Variants in ANKRD10 observed in about 807,000 individuals in gnomAD.
ANKRD10 encodes the protein ankyrin repeat domain 10, also known as ankyrin repeat domain-containing protein 10.
ANKRD10 carries 14 observed loss-of-function variants against 27.0 expected under a neutral mutation model. That is an observed-to-expected ratio of 0.52 (90% CI 0.34 to 0.81). The LOEUF (loss-of-function observed/expected upper bound fraction) is 0.81, where lower values mean the gene tolerates loss of function less well. Among genes scored for constraint, ANKRD10 ranks in the 40% least tolerant of loss-of-function variants. ANKRD10 has a pLI of 0.01. For missense variants in ANKRD10, 493 were observed against 544.0 expected, an observed-to-expected ratio of 0.91 and a Z score of 0.93; for synonymous variants, 250 against 224.5, an observed-to-expected ratio of 1.11 and a Z score of -1.01.
intron 4 of ANKRD10, among the ~76,000 whole-genome samples, chr13:110,888,524 A>G (rs2064993986): frequency 1.3e-5 from 2 of 152,162 alleles, no homozygotes; most frequent in South Asian, 4.1e-4. Flanking sequence ...AAGTGCTATA[A>G]TATGTAACTA....
intron 3 of ANKRD10, chr13:110,894,417 A>AAAAAAAAAC (rs2065171586): frequency 3.1e-6 from 1 of 318,230 alleles, no homozygotes; most frequent in Non-Finnish European, 5.7e-6. Flanking sequence ...AAAAAAAAAA[A>AAAAAAAAAC]AAAAAAAAAA....
At chr13:110,901,632 CT>C (rs1308250002) in intron 3 of ANKRD10, among the ~76,000 whole-genome samples, 1 of 152,242 alleles carries the variant, frequency 6.6e-6, no homozygotes, top group Non-Finnish European at 1.5e-5. Context: ...AACCCACTTA[CT>C]GTCCCTTTCT....
intron 1 of ANKRD10, among the ~76,000 whole-genome samples, chr13:110,912,798 C>T (rs1013111352): frequency 5.9e-5 from 9 of 152,210 alleles, no homozygotes; most frequent in African/African-American, 2.2e-4. Flanking sequence ...CTGGACTTCG[C>T]AAGCGGTAGC....
chr13:110,892,343 T>C lies in ANKRD10; in HGVS notation c.691+685A>G, dbSNP rs577476239. Among the ~76,000 whole-genome samples, 31 of 140,718 alleles carry C rather than the reference T, an allele frequency of 2.2e-4. 1 individual carries two copies. The highest frequency in any genetic ancestry group is 7.9e-4 in the African/African-American group (29 of 36,902). The allele number at this position is 140,718 out of a possible 152,430, so 92.3% of individuals were successfully genotyped here. A position where few individuals can be genotyped will look rare whatever the true frequency, so the allele number is the denominator to read the frequency against. ...TACTTGGGAGGCTGAGACAGGAGAA[T>C]TGCTTTAACTTGGGAGCCGGAGGTT... On this transcript the variant is annotated intron_variant, in intron 4 of 5. Transcript: ENST00000267339.
At chr13:110,895,540 T>G (rs1483816632) in intron 3 of ANKRD10, among the ~76,000 whole-genome samples, 4 of 151,660 alleles carry the variant, frequency 2.6e-5, no homozygotes, top group African/African-American at 9.7e-5. Flanking sequence ...TGAGCCGAGA[T>G]CACACCACTG....
intron 4 of ANKRD10, 145 bp downstream of exon 4, chr13:110,892,883 A>C: frequency 1.4e-6 from 2 of 1,441,282 alleles, no homozygotes; most frequent in Non-Finnish European, 1.8e-6. Flanking sequence ...TACAGGAGAA[A>C]TCTCCACCGT....
At chr13:110,912,270 C>T (rs2065737523) in intron 1 of ANKRD10, among the ~76,000 whole-genome samples, 1 of 152,236 alleles carries the variant, frequency 6.6e-6, no homozygotes, top group Non-Finnish European at 1.5e-5. Context: ...ACACCTGACA[C>T]TACCATCTCA....
At chr13:110,880,174 A>G in intron 5 of ANKRD10, 62 bp from the exon 6 acceptor site, 1 of 1,350,634 alleles carries the variant, frequency 7.4e-7, no homozygotes. Context: ...GAAACTATAA[A>G]ATGCTTCACT....
intron 3 of ANKRD10, among the ~76,000 whole-genome samples, chr13:110,905,428 C>T (rs141972113): frequency 1.1e-4 from 16 of 152,200 alleles, no homozygotes; most frequent in African/African-American, 2.9e-4. Context: ...TGGGCTAAAA[C>T]GAAAGATATT....
intron 3 of ANKRD10, among the ~76,000 whole-genome samples, chr13:110,897,499 AAT>A (rs2065260802): frequency 6.6e-6 from 1 of 151,912 alleles, no homozygotes; most frequent in African/African-American, 2.4e-5. Flanking sequence ...TACTTAACAT[AAT>A]GTCTTCTAAG....
intron 4 of ANKRD10, among the ~76,000 whole-genome samples, chr13:110,891,719 C>T (rs900672322): frequency 3.3e-5 from 5 of 152,006 alleles, no homozygotes; most frequent in African/African-American, 9.7e-5. Flanking sequence ...GTAACTTGCA[C>T]GGTTGATTTT....
intron 3 of ANKRD10, among the ~76,000 whole-genome samples, chr13:110,900,048 C>T (rs2065342032): frequency 6.6e-6 from 1 of 151,170 alleles, no homozygotes; most frequent in Non-Finnish European, 1.5e-5. Flanking sequence ...CCTGTCTCTT[C>T]AAACACTCAA....
At position 110,906,077 on chromosome 13, in the gene ANKRD10, G is replaced by T. The variant is rs1490854785; in HGVS notation, c.411C>A (p.Ser137Arg). Residue 137 changes from serine (S) to arginine (R), a missense_variant, in exon 3 of 6, where the codon AGC (serine) becomes AGA (arginine). Ser to Arg is a moderately radical substitution (Grantham distance 110). Transcript: ENST00000267339. ...CCACAAGGGCACTGATGCATTCTAG[G>T]CTCCCAGAGCGAGCTGCCTTGTGAA... ...TPIHKAARSG[S>R]LECISALVAN... is the part of the protein sequence containing the mutation. 1.2e-6 allele frequency: 2 copies of T among 1,604,846 alleles called. No individual in the cohort carries two copies. Among genetic ancestry groups the T allele is most frequent in the Non-Finnish European group, 1.7e-6 (2 of 1,175,170 alleles).
chr13:110,901,309 C>T (rs2065374334), intron 3 of ANKRD10, among the ~76,000 whole-genome samples: 1 of 151,994 alleles, frequency 6.6e-6, no homozygotes, highest in Non-Finnish European at 1.5e-5. Context: ...GAGTTTCTAC[C>T]TAAATAAATT....
rs987350124 is a variant in ANKRD10, at chr13:110,915,004, G to C, written c.-70C>G. The C allele has an allele frequency of 8.1e-6, 12 of 1,483,750 alleles. No homozygotes were observed. Among genetic ancestry groups the C allele is most frequent in the Non-Finnish European group, 1.1e-5 (12 of 1,122,100 alleles). The allele number at this position is 1,483,750 out of a possible 1,614,324, so 91.9% of individuals were successfully genotyped here. A position where few individuals can be genotyped will look rare whatever the true frequency, so the allele number is the denominator to read the frequency against. On this transcript the variant is annotated 5_prime_UTR_variant, in exon 1 of 6. Transcript: ENST00000267339. Reference sequence around the variant, plus strand: ...GTCGGGGAGGACTCGAGAAGCCGCCGCCGCAGCACAAAGGAACGAGACTAG... The same window carrying C: ...GTCGGGGAGGACTCGAGAAGCCGCCCCCGCAGCACAAAGGAACGAGACTAG...
intron 4 of ANKRD10, among the ~76,000 whole-genome samples, chr13:110,885,257 G>GA (rs1404365553): frequency 3.2e-4 from 48 of 149,332 alleles, no homozygotes; most frequent in Middle Eastern, 3.4e-3. Flanking sequence ...AAAAAAGAGA[G>GA]AGAAAAAAAA....
chr13:110,897,564 G>A (rs1216289256), intron 3 of ANKRD10, among the ~76,000 whole-genome samples: 1 of 152,024 alleles, frequency 6.6e-6, no homozygotes, highest in Non-Finnish European at 1.5e-5. Context: ...TGGCCAAATA[G>A]TATTCCACGG....
chr13:110,887,252 ACT>A (rs1426681086), intron 4 of ANKRD10, among the ~76,000 whole-genome samples: 1 of 152,150 alleles, frequency 6.6e-6, no homozygotes, highest in Non-Finnish European at 1.5e-5. Flanking sequence ...GTTCCCAGTA[ACT>A]CTGTAACTGT....
At position 110,913,552 on chromosome 13, in the gene ANKRD10, T is replaced by C. The variant is rs769951906; in HGVS notation, c.210+1173A>G. On this transcript the variant is annotated intron_variant, in intron 1 of 5. Coordinates refer to ENST00000267339, the MANE Select transcript of ANKRD10 (RefSeq NM_017664.4). ...TTCATTTCTTTTATTGAAAGAAAAG[T>C]GACTTTTCCACTTTAAAAGAATCAG... is the stretch of plus-strand genomic sequence containing the variant. Among the ~76,000 whole-genome samples the C allele has an allele frequency of 1.6e-4, 25 of 152,170 alleles. 1 individual carries two copies. The highest frequency in any genetic ancestry group is 1.3e-3 in the Admixed American group (20 of 15,280).
Sources: gnomAD v4.1 joint callset for allele counts (sites outside exome capture counted in the v4.1 genomes callset) on GRCh38, gnomAD v4.1.1 for gene constraint, MANE v1.5 for transcripts, NCBI Gene and HGNC (gene_info 2026-07-23, HGNC 2026-07-21) for gene names.